Variants in ACSL4 observed in about 807,000 individuals in gnomAD.
The protein encoded by ACSL4 is long-chain-fatty-acid--CoA ligase 4.
In ACSL4, 9 loss-of-function variants were observed where a neutral mutation model predicts 49.1. The observed-to-expected ratio is 0.18, with a 90% CI of 0.11 to 0.32. ACSL4 has a LOEUF of 0.32. ACSL4 is among the 10% of genes least tolerant of loss of function. The pLI is 1.00. For synonymous variants in ACSL4, 191 were observed against 170.3 expected, an observed-to-expected ratio of 1.12 and a Z score of -0.95; for missense variants, 333 against 493.7, an observed-to-expected ratio of 0.67 and a Z score of 3.08.
At chrX:109,677,954 T>TA in intron 8 of ACSL4, 34 bp downstream of exon 8, 2 of 1,208,483 alleles carry the variant, frequency 1.7e-6, no homozygotes, top group Non-Finnish European at 2.2e-6. Flanking sequence ...TGCAGCATCA[T>TA]ACGATCATGC....
chrX:109,687,607 A>G lies in ACSL4; in HGVS notation c.-12-4232T>C, dbSNP rs60523479. The stretch of plus-strand genomic sequence containing the variant: ...GGAGGGCTAGGGGAGGGATAGCATT[A>G]GGAGAAATACCTAACGTAGATGATG... On this transcript the variant is annotated intron_variant, in intron 2 of 15. Coordinates refer to ENST00000672401, the MANE Select transcript of ACSL4 (RefSeq NM_001318510.2). Among the ~76,000 whole-genome samples the G allele has an allele frequency of 1.6e-4, 18 of 111,855 alleles. 1 individual carries two copies. In the East Asian group the frequency reaches 4.8e-3, roughly 30 times the overall value.
chrX:109,724,574 G>C (rs1339719702), intron 1 of ACSL4, among the ~76,000 whole-genome samples: 3 of 111,669 alleles, frequency 2.7e-5, no homozygotes, highest in African/African-American at 9.8e-5. Flanking sequence ...AGCTTCCCCA[G>C]TAGTTGGAAC....
At chrX:109,685,213 C>T (rs892393079) in intron 2 of ACSL4, among the ~76,000 whole-genome samples, 1 of 108,134 alleles carries the variant, frequency 9.2e-6, no homozygotes, top group Middle Eastern at 4.7e-3. Context: ...CCACCTCAGC[C>T]TCCCGAGTAG....
At position 109,641,994 on chromosome X, in the gene ACSL4, A is replaced by T. The variant is rs1934458291; in HGVS notation, c.*2035T>A. 8.9e-6 allele frequency: 1 copy of T among 112,128 alleles called. No homozygotes were observed. The highest frequency in any genetic ancestry group is 1.9e-5 in the Non-Finnish European group (1 of 53,079). The allele number at this position is 112,128 out of a possible 1,213,427, so 9.2% of individuals were successfully genotyped here. A position where few individuals can be genotyped will look rare whatever the true frequency, so the allele number is the denominator to read the frequency against. ...ATGTATATTTTTAGATGGAAAATCAAGGGGTAGTGGCATCTCCCTGGTCCC... is the reference window on the plus strand; with the variant it reads ...ATGTATATTTTTAGATGGAAAATCATGGGGTAGTGGCATCTCCCTGGTCCC... On this transcript the variant is annotated 3_prime_UTR_variant, in exon 16 of 16. Coordinates refer to ENST00000672401, the MANE Select transcript of ACSL4 (RefSeq NM_001318510.2).
At chrX:109,716,404 T>C (rs920709303) in intron 1 of ACSL4, among the ~76,000 whole-genome samples, 1 of 112,388 alleles carries the variant, frequency 8.9e-6, no homozygotes, top group African/African-American at 3.2e-5. Context: ...AAAACTTCCT[T>C]CAAATATTGG....
intron 15 of ACSL4, among the ~76,000 whole-genome samples, chrX:109,647,868 A>C (rs1333673162): frequency 9.0e-6 from 1 of 111,387 alleles, no homozygotes; most frequent in African/African-American, 3.3e-5. Context: ...CAGAAATACA[A>C]ACTACCATCA....
chrX:109,669,842 T>C (rs1923028327), intron 9 of ACSL4, among the ~76,000 whole-genome samples: 2 of 112,783 alleles, frequency 1.8e-5, no homozygotes, highest in Non-Finnish European at 1.9e-5. Context: ...TTCATGATGC[T>C]TTTCTCTTTT....
chrX:109,719,689 T>TA (rs1214137485), intron 1 of ACSL4, among the ~76,000 whole-genome samples: 1 of 112,224 alleles, frequency 8.9e-6, no homozygotes, highest in Non-Finnish European at 1.9e-5. Flanking sequence ...ATGTTTCCTT[T>TA]AAAAAGCTAC....
intron 1 of ACSL4, among the ~76,000 whole-genome samples, chrX:109,712,728 T>G (rs1359947550): frequency 8.9e-6 from 1 of 111,790 alleles, no homozygotes; most frequent in Non-Finnish European, 1.9e-5. Context: ...TAGTCCCAGC[T>G]ACTAAAGAGG....
Position 109,678,030 on chromosome X carries a change from G to A in ACSL4, c.888C>T (p.Gly296=). Residue 296 remains glycine (G), a synonymous_variant, in exon 8 of 16, where the codon GGC becomes GGT. Transcript: ENST00000672401. ...GCGGAGAAGAATATCCAATCCTGCA[G>A]CCATAGGTAAAGCAAGATATCTCTG... ...LTAEISCFTY[G]CRIGYSSPLT... is the part of the protein sequence containing the mutation. 1 of 1,211,424 alleles carries A rather than the reference G, an allele frequency of 8.3e-7. No homozygotes were observed. The highest frequency in any genetic ancestry group is 1.1e-6 in the Non-Finnish European group (1 of 895,059).
intron 11 of ACSL4, among the ~76,000 whole-genome samples, chrX:109,665,947 T>C (rs892174456): frequency 8.9e-6 from 1 of 112,198 alleles, no homozygotes; most frequent in Non-Finnish European, 1.9e-5. Flanking sequence ...ACATGGACAA[T>C]GCTTAACACT....
At chrX:109,648,462 C>T (rs1934844173) in intron 15 of ACSL4, among the ~76,000 whole-genome samples, 1 of 110,954 alleles carries the variant, frequency 9.0e-6, no homozygotes, top group African/African-American at 3.3e-5. Context: ...AGGCCTTTGA[C>T]AAAATTCAAC....
intron 1 of ACSL4, among the ~76,000 whole-genome samples, chrX:109,715,852 A>G (rs1469626242): frequency 9.0e-6 from 1 of 111,717 alleles, no homozygotes; most frequent in African/African-American, 3.2e-5. Context: ...TATAAAGGCA[A>G]TTATATCATC....
intron 15 of ACSL4, among the ~76,000 whole-genome samples, chrX:109,654,243 G>A (rs936270858): frequency 9.0e-6 from 1 of 110,531 alleles, no homozygotes; most frequent in Non-Finnish European, 1.9e-5. Flanking sequence ...TATGTTGACA[G>A]CTTAAGTATA....
chrX:109,697,715 G>T (rs9699192), intron 1 of ACSL4, among the ~76,000 whole-genome samples: 1,908 of 97,752 alleles, frequency 0.02, 42 homozygotes, highest in African/African-American at 0.066. Flanking sequence ...TGACATGGGG[G>T]GGGGGGCGCG....
chrX:109,663,743 T>G (rs769500578), intron 12 of ACSL4, among the ~76,000 whole-genome samples: 11 of 111,390 alleles, frequency 9.9e-5, no homozygotes, highest in Middle Eastern at 4.6e-3. Flanking sequence ...CTGTTATAAG[T>G]AAATTACTGA....
In ACSL4 at chrX:109,693,553, A is replaced by C. The variant is rs1237072338; in HGVS notation, c.-13+2591T>G. ...GAAGTCACACAAAGCCAAATATAAG[A>C]AGCCATGGAAAAGTACCCCTGGAGT... is the stretch of plus-strand genomic sequence containing the variant. On this transcript the variant is annotated intron_variant, in intron 2 of 15. Coordinates refer to ENST00000672401, the MANE Select transcript of ACSL4 (RefSeq NM_001318510.2). 2.7e-5 allele frequency among the ~76,000 whole-genome samples: 3 copies of C among 112,211 alleles called. No individual in the cohort carries two copies. The East Asian group carries it at 8.3e-4, about 31-fold the overall frequency.
At chrX:109,692,525 T>C (rs1487910752) in intron 2 of ACSL4, among the ~76,000 whole-genome samples, 1 of 111,777 alleles carries the variant, frequency 8.9e-6, no homozygotes, top group Non-Finnish European at 1.9e-5. Flanking sequence ...TTAAACATAA[T>C]GAAAAAGGGA....
chrX:109,685,630 G>A (rs1238170061), intron 2 of ACSL4, among the ~76,000 whole-genome samples: 4 of 110,773 alleles, frequency 3.6e-5, no homozygotes, highest in Non-Finnish European at 7.6e-5. Flanking sequence ...AATCCTGCCT[G>A]TGCCTTTGTT....
Sources: gnomAD v4.1 joint callset for allele counts (sites outside exome capture counted in the v4.1 genomes callset) on GRCh38, gnomAD v4.1.1 for gene constraint, MANE v1.5 for transcripts, NCBI Gene and HGNC (gene_info 2026-07-23, HGNC 2026-07-21) for gene names.